Variants in PAPPA2 observed in about 807,000 individuals in gnomAD.
The protein encoded by PAPPA2 is pappalysin-2.
Under a neutral mutation model 176.4 loss-of-function variants are expected in PAPPA2, and 86 were observed. That is an observed-to-expected ratio of 0.49 (90% CI 0.41 to 0.58). The LOEUF (loss-of-function observed/expected upper bound fraction) is 0.58. PAPPA2 is among the 20% of genes least tolerant of loss of function. PAPPA2 has a pLI of 0.00. For synonymous variants in PAPPA2, 809 were observed against 852.2 expected (o/e 0.95, Z 0.88); for missense variants, 2,073 against 2,256.9 (o/e 0.92, Z 1.65).
chr1:176,506,215 G>A (rs555084042), intron 1 of PAPPA2, among the ~76,000 whole-genome samples: 16 of 152,028 alleles, frequency 1.1e-4, no homozygotes, highest in Non-Finnish European at 1.8e-4. Flanking sequence ...CTGTGTGTCT[G>A]TTTTTGTACC....
At chr1:176,507,243 T>C (rs1304738641) in intron 1 of PAPPA2, among the ~76,000 whole-genome samples, 3 of 152,078 alleles carry the variant, frequency 2.0e-5, no homozygotes, top group Non-Finnish European at 2.9e-5. Flanking sequence ...TGAGATACCA[T>C]CTCACAGCAG....
chr1:176,632,980 G>T (rs1459925343), intron 3 of PAPPA2, among the ~76,000 whole-genome samples: 2 of 152,090 alleles, frequency 1.3e-5, no homozygotes, highest in African/African-American at 4.8e-5. Context: ...GGAAGGAGGA[G>T]AAGAAACAGT....
At chr1:176,652,169 G>C (rs1161236551) in intron 3 of PAPPA2, among the ~76,000 whole-genome samples, 2 of 151,412 alleles carry the variant, frequency 1.3e-5, no homozygotes, top group Non-Finnish European at 3.0e-5. Context: ...GTTCATTTTT[G>C]GGGGCAGGGC....
intron 3 of PAPPA2, among the ~76,000 whole-genome samples, chr1:176,670,071 G>A (rs1183005233): frequency 6.6e-6 from 1 of 152,136 alleles, no homozygotes; most frequent in Non-Finnish European, 1.5e-5. Flanking sequence ...GGACCATTGA[G>A]CTCTGGTTTG....
intron 4 of PAPPA2, 125 bp downstream of exon 4, chr1:176,671,240 C>T (rs1395836422): frequency 7.8e-7 from 1 of 1,286,490 alleles, no homozygotes; most frequent in Non-Finnish European, 1.1e-6. Flanking sequence ...GAATTAACTG[C>T]TTTGTGCTGA....
intron 1 of PAPPA2, among the ~76,000 whole-genome samples, chr1:176,516,803 T>G (rs549455584): frequency 6.6e-6 from 1 of 152,332 alleles, no homozygotes; most frequent in Non-Finnish European, 1.5e-5. Context: ...CCAGTGGGAA[T>G]GCACTAAGAC....
At chr1:176,711,746 C>T in intron 11 of PAPPA2, 89 bp from the exon 12 acceptor site, 2 of 1,411,524 alleles carry the variant, frequency 1.4e-6, no homozygotes, top group Non-Finnish European at 2.0e-6. Context: ...AAAGAGAGAA[C>T]AACTTTGCTT....
At chr1:176,739,828 A>T (rs570601501) in intron 13 of PAPPA2, 67 bp downstream of exon 13, 1 of 1,590,100 alleles carries the variant, frequency 6.3e-7, no homozygotes, top group East Asian at 2.2e-5. Flanking sequence ...AGTCAGCTTG[A>T]TGTCTGTCTT....
At chr1:176,643,447 T>G (rs556323341) in intron 3 of PAPPA2, among the ~76,000 whole-genome samples, 98 of 151,592 alleles carry the variant, frequency 6.5e-4, no homozygotes, top group African/African-American at 2.3e-3. Flanking sequence ...GCTTTAAAAA[T>G]GTAAAAACCA....
intron 3 of PAPPA2, among the ~76,000 whole-genome samples, chr1:176,666,593 G>A (rs1658658145): frequency 1.3e-5 from 2 of 149,808 alleles, no homozygotes; most frequent in Non-Finnish European, 3.0e-5. Context: ...GTGTGTGTGT[G>A]TGTGTGTGTG....
intron 2 of PAPPA2, among the ~76,000 whole-genome samples, chr1:176,567,856 C>T (rs905885709): frequency 2.6e-5 from 4 of 152,054 alleles, no homozygotes; most frequent in African/African-American, 7.2e-5. Context: ...AGAATTAGGG[C>T]AAAGAGAAAA....
intron 9 of PAPPA2, 105 bp downstream of exon 9, chr1:176,702,840 G>A (rs1250137304): frequency 7.1e-7 from 1 of 1,415,436 alleles, no homozygotes; most frequent in African/African-American, 1.4e-5. Context: ...TCTCTAAACA[G>A]AAGTTTCAGG....
intron 12 of PAPPA2, among the ~76,000 whole-genome samples, chr1:176,738,743 A>G (rs534420223): frequency 1.3e-5 from 2 of 152,352 alleles, no homozygotes; most frequent in East Asian, 1.9e-4. Context: ...TAGAATTACC[A>G]TATCAAATAA....
chr1:176,621,770 C>T (rs1475197841), intron 3 of PAPPA2, among the ~76,000 whole-genome samples: 4 of 151,952 alleles, frequency 2.6e-5, no homozygotes, highest in Non-Finnish European at 4.4e-5. Flanking sequence ...GTAACTGCCT[C>T]TAGTGAACAC....
chr1:176,710,615 T>A (rs1661102004), intron 11 of PAPPA2, among the ~76,000 whole-genome samples: 1 of 152,150 alleles, frequency 6.6e-6, no homozygotes, highest in African/African-American at 2.4e-5. Context: ...GCTATACCAA[T>A]GACATCTATG....
intron 4 of PAPPA2, among the ~76,000 whole-genome samples, chr1:176,685,096 T>C (rs1239471457): frequency 6.6e-6 from 1 of 151,438 alleles, no homozygotes; most frequent in East Asian, 1.9e-4. Context: ...TTTTTTTTTT[T>C]GTAATGAATG....
chr1:176,635,331 A>C (rs1246380757), intron 3 of PAPPA2, among the ~76,000 whole-genome samples: 1 of 152,192 alleles, frequency 6.6e-6, no homozygotes, highest in Non-Finnish European at 1.5e-5. Flanking sequence ...TTATAAAAAT[A>C]CACTTTGGAT....
intron 18 of PAPPA2, among the ~76,000 whole-genome samples, chr1:176,790,427 C>A (rs1050681383): frequency 6.6e-5 from 10 of 152,158 alleles, no homozygotes; most frequent in African/African-American, 2.4e-4. Flanking sequence ...AAATGAAAAA[C>A]ACAGTCTTAT....
intron 3 of PAPPA2, among the ~76,000 whole-genome samples, chr1:176,660,503 A>T (rs1359549376): frequency 6.6e-6 from 1 of 152,112 alleles, no homozygotes; most frequent in Admixed American, 6.6e-5. Flanking sequence ...CTTGCAAGAC[A>T]TTGATTAAAT....
Sources: gnomAD v4.1 joint callset for allele counts (sites outside exome capture counted in the v4.1 genomes callset) on GRCh38, gnomAD v4.1.1 for gene constraint, MANE v1.5 for transcripts, NCBI Gene and HGNC (gene_info 2026-07-23, HGNC 2026-07-21) for gene names.